Variants in APBB1IP observed in about 807,000 individuals in gnomAD.
APBB1IP encodes the protein amyloid beta precursor protein binding family B member 1 interacting protein.
APBB1IP carries 27 observed loss-of-function variants against 64.9 expected under a neutral mutation model. The ratio of observed to expected loss-of-function variants is 0.42; its 90% confidence interval spans 0.31 to 0.57. The LOEUF is 0.57. Ranked by LOEUF, APBB1IP falls within the 20% of genes least tolerant of loss-of-function variation. The pLI, the probability that APBB1IP is intolerant of heterozygous loss-of-function variation, is 0.20. For synonymous variants in APBB1IP, 392 were observed against 331.0 expected, an observed-to-expected ratio of 1.18 and a Z score of -2.00; for missense variants, 812 against 845.5, an observed-to-expected ratio of 0.96 and a Z score of 0.49.
intron 2 of APBB1IP, among the ~76,000 whole-genome samples, chr10:26,461,181 A>C (rs1003674967): frequency 3.9e-5 from 6 of 152,030 alleles, no homozygotes; most frequent in Admixed American, 6.6e-5. Context: ...AGAAGGAAAG[A>C]AGGAAGGAAG....
intron 11 of APBB1IP, among the ~76,000 whole-genome samples, chr10:26,550,772 T>A (rs1468766963): frequency 2.0e-5 from 3 of 152,238 alleles, no homozygotes; most frequent in African/African-American, 7.2e-5. Flanking sequence ...TTTTCTAGGC[T>A]ATTCTTACTC....
intron 8 of APBB1IP, among the ~76,000 whole-genome samples, chr10:26,528,817 GCC>G (rs1836512361): frequency 6.6e-6 from 1 of 152,128 alleles, no homozygotes; most frequent in East Asian, 1.9e-4. Flanking sequence ...TGTGCCTGTA[GCC>G]CCAGCTACTT....
intron 2 of APBB1IP, among the ~76,000 whole-genome samples, chr10:26,478,203 G>A (rs190306367): frequency 5.3e-5 from 8 of 152,330 alleles, no homozygotes; most frequent in East Asian, 1.9e-4. Context: ...TGAGAGAACC[G>A]CTGTTTGGGT....
chr10:26,505,962 C>T (rs1223866374), intron 6 of APBB1IP, among the ~76,000 whole-genome samples: 1 of 152,098 alleles, frequency 6.6e-6, no homozygotes, highest in African/African-American at 2.4e-5. Flanking sequence ...ACCTCCCTGG[C>T]CTCATCTCCC....
At chr10:26,552,519 A>G (rs868197402) in intron 11 of APBB1IP, among the ~76,000 whole-genome samples, 23 of 152,168 alleles carry the variant, frequency 1.5e-4, no homozygotes, top group African/African-American at 5.5e-4. Flanking sequence ...GGATTGCTTG[A>G]GGCCAGGAGT....
intron 11 of APBB1IP, among the ~76,000 whole-genome samples, chr10:26,554,167 C>T (rs1262162342): frequency 1.3e-5 from 2 of 152,204 alleles, no homozygotes; most frequent in Non-Finnish European, 1.5e-5. Flanking sequence ...CTGCTTTCCA[C>T]AGTCCCTCAA....
At chr10:26,457,612 C>A (rs529325593) in intron 2 of APBB1IP, among the ~76,000 whole-genome samples, 1 of 152,230 alleles carries the variant, frequency 6.6e-6, no homozygotes. Flanking sequence ...AAAACCTATA[C>A]TGGTAAGCCA....
chr10:26,443,762 C>T (rs768127626), intron 2 of APBB1IP, among the ~76,000 whole-genome samples: 7 of 152,106 alleles, frequency 4.6e-5, no homozygotes, highest in Non-Finnish European at 8.8e-5. Flanking sequence ...GTCTCGACCT[C>T]CTGGGCTCAA....
At chr10:26,502,469 A>G (rs1836117158) in intron 5 of APBB1IP, among the ~76,000 whole-genome samples, 1 of 152,018 alleles carries the variant, frequency 6.6e-6, no homozygotes, top group African/African-American at 2.4e-5. Context: ...GTGAAACTCC[A>G]TCTCTACTAC....
chr10:26,562,648 T>A (rs1002925126), intron 14 of APBB1IP, among the ~76,000 whole-genome samples: 1 of 151,660 alleles, frequency 6.6e-6, no homozygotes, highest in African/African-American at 2.4e-5. Flanking sequence ...AAAAAAAAAA[T>A]TAGCCAGGCA....
chr10:26,504,275 C>A (rs1415944639), intron 6 of APBB1IP, among the ~76,000 whole-genome samples: 1 of 152,178 alleles, frequency 6.6e-6, no homozygotes, highest in Non-Finnish European at 1.5e-5. Context: ...GCCCTTAACC[C>A]AACTTTCCTA....
chr10:26,559,022 G>T (rs541743422), intron 11 of APBB1IP, among the ~76,000 whole-genome samples: 43 of 152,254 alleles, frequency 2.8e-4, no homozygotes, highest in Non-Finnish European at 4.9e-4. Flanking sequence ...AGTTAAGAAG[G>T]AAAGGTCATC....
chr10:26,483,805 T>G (rs1231952432), intron 2 of APBB1IP, among the ~76,000 whole-genome samples: 2 of 152,208 alleles, frequency 1.3e-5, no homozygotes, highest in Non-Finnish European at 2.9e-5. Flanking sequence ...CTTGAACTCC[T>G]GGGCTCAAAG....
intron 14 of APBB1IP, 127 bp downstream of exon 14, chr10:26,562,556 T>G: frequency 1.4e-6 from 1 of 711,068 alleles, no homozygotes; most frequent in Non-Finnish European, 2.3e-6. Context: ...TCCCAGAACT[T>G]TGGGAGGCTG....
chr10:26,501,528 A>T (rs948687821), intron 5 of APBB1IP: 5 of 250,428 alleles, frequency 2.0e-5, no homozygotes, highest in African/African-American at 1.1e-4. Context: ...AATTTTGTTG[A>T]ACTTGGCAGC....
At chr10:26,549,044 A>G (rs1836800792) in intron 11 of APBB1IP, among the ~76,000 whole-genome samples, 1 of 152,112 alleles carries the variant, frequency 6.6e-6, no homozygotes, top group Non-Finnish European at 1.5e-5. Flanking sequence ...GAGATGCTGA[A>G]TTTTTGTCAA....
intron 8 of APBB1IP, among the ~76,000 whole-genome samples, chr10:26,516,475 C>T (rs1836329273): frequency 7.4e-6 from 1 of 135,824 alleles, no homozygotes; most frequent in African/African-American, 2.8e-5. Flanking sequence ...ACCCAGGAGG[C>T]AGAGGATGCA....
intron 2 of APBB1IP, among the ~76,000 whole-genome samples, chr10:26,492,123 C>T (rs1009888235): frequency 6.6e-6 from 1 of 152,132 alleles, no homozygotes; most frequent in Non-Finnish European, 1.5e-5. Flanking sequence ...CATTTCCCAA[C>T]GTTTGGCACA....
chr10:26,468,699 AGTAATAGCCACTG>A (rs1393949176), intron 2 of APBB1IP, among the ~76,000 whole-genome samples: 1 of 152,228 alleles, frequency 6.6e-6, no homozygotes, highest in Non-Finnish European at 1.5e-5. Flanking sequence ...ACAGTAACTA[AGTAATAGCCACTG>A]GTCCAGCCAT....
Sources: gnomAD v4.1 joint callset for allele counts (sites outside exome capture counted in the v4.1 genomes callset) on GRCh38, gnomAD v4.1.1 for gene constraint, MANE v1.5 for transcripts, NCBI Gene and HGNC (gene_info 2026-07-23, HGNC 2026-07-21) for gene names.